The following ATXN7 variants were observed in gnomAD, a reference collection of about 807,000 sequenced individuals.
ATXN7 encodes ataxin-7.
In ATXN7, 12 loss-of-function variants were observed where a neutral mutation model predicts 70.5. The observed-to-expected ratio is 0.17, with a 90% CI of 0.11 to 0.28. The LOEUF (loss-of-function observed/expected upper bound fraction) is 0.28, where lower values mean the gene tolerates loss of function less well. ATXN7 is among the 10% of genes least tolerant of loss of function. The pLI is 1.00. For synonymous variants in ATXN7, 498 were observed against 448.7 expected, an observed-to-expected ratio of 1.11 and a Z score of -1.39; for missense variants, 1,256 against 1,131.7, an observed-to-expected ratio of 1.11 and a Z score of -1.58.
chr3:63,951,751 A>G (rs889060137), intron 4 of ATXN7, among the ~76,000 whole-genome samples: 4 of 152,222 alleles, frequency 2.6e-5, no homozygotes, highest in African/African-American at 9.7e-5. Context: ...AAAACAAACA[A>G]ACAGCTCGTA....
intron 6 of ATXN7, chr3:63,980,538 G>A (rs1284014301): frequency 4.6e-6 from 1 of 217,316 alleles, no homozygotes; most frequent in East Asian, 1.0e-4. Flanking sequence ...GTCCAAAAAG[G>A]CCTCAAGTCA....
intron 1 of ATXN7, among the ~76,000 whole-genome samples, chr3:63,866,123 A>G (rs1052345956): frequency 5.9e-5 from 9 of 152,216 alleles, no homozygotes; most frequent in African/African-American, 1.7e-4. Context: ...AAACATTTCT[A>G]TAAGTTAATT....
rs115092332 is a variant in ATXN7 at position 63,989,542 on chromosome 3, C to G, written c.1362-634C>G. On this transcript the variant is annotated intron_variant, in intron 9 of 12. Transcript: ENST00000674280. The stretch of plus-strand genomic sequence containing the variant: ...CTATTTGGGGAAAGAAAAATTGTGT[C>G]GTACTGAACATGTATAGGCTTTTTT... 4.6e-3 allele frequency among the ~76,000 whole-genome samples: 693 copies of G among 151,814 alleles called. 5 individuals are homozygous for G. Among genetic ancestry groups the G allele is most frequent in the African/African-American group, 0.016 (644 of 41,392 alleles).
chr3:63,954,494 G>A (rs1020553634), intron 5 of ATXN7, among the ~76,000 whole-genome samples: 12 of 152,156 alleles, frequency 7.9e-5, no homozygotes, highest in South Asian at 6.2e-4. Context: ...TGCTCTGGAC[G>A]TGTTGGTGAG....
chr3:63,969,442 C>A (rs2075277365), intron 5 of ATXN7, among the ~76,000 whole-genome samples: 1 of 152,172 alleles, frequency 6.6e-6, no homozygotes, highest in Admixed American at 6.5e-5. Context: ...ATGATGCTCC[C>A]TGTTGGGATT....
At chr3:63,867,550 C>T (rs78900284) in intron 1 of ATXN7, among the ~76,000 whole-genome samples, 283 of 152,220 alleles carry the variant, frequency 1.9e-3, no homozygotes, top group African/African-American at 6.5e-3. Context: ...TCTGTGTGCT[C>T]GTTACTTGCC....
rs557227207 is a variant in ATXN7 at position 63,929,749 on chromosome 3, C to T, written c.394+16524C>T. On this transcript the variant is annotated intron_variant, in intron 4 of 12. Transcript: ENST00000674280. The stretch of plus-strand genomic sequence containing the variant: ...AATAAGTTCAAACAACAACAAAGGA[C>T]AGAACTTTTCATCAGATATTTTCTT... Among the ~76,000 whole-genome samples, 21 of 152,228 alleles carry T rather than the reference C, an allele frequency of 1.4e-4. 1 individual carries two copies. In the South Asian group the frequency reaches 2.3e-3, roughly 17 times the overall value.
intron 4 of ATXN7, among the ~76,000 whole-genome samples, chr3:63,949,004 A>C (rs1315151164): frequency 1.3e-5 from 2 of 152,178 alleles, no homozygotes; most frequent in African/African-American, 4.8e-5. Flanking sequence ...TTGAATAATG[A>C]ATTCATTTTT....
chr3:63,892,374 CCACACACACACACACACACA>C (rs56293497), intron 1 of ATXN7, among the ~76,000 whole-genome samples: 1 of 133,384 alleles, frequency 7.5e-6, no homozygotes, highest in African/African-American at 2.8e-5. Flanking sequence ...GACACCTCTA[CCACACACACACACACACACA>C]CACACACACA....
intron 1 of ATXN7, among the ~76,000 whole-genome samples, chr3:63,866,259 T>G (rs949890356): frequency 3.0e-4 from 46 of 152,198 alleles, no homozygotes; most frequent in Non-Finnish European, 1.3e-4. Flanking sequence ...TTATTTTATT[T>G]TTTTTTGAGA....
chr3:63,922,694 C>T (rs528625776), intron 4 of ATXN7, among the ~76,000 whole-genome samples: 1 of 152,050 alleles, frequency 6.6e-6, no homozygotes, highest in South Asian at 2.1e-4. Context: ...GGTTTTCTGC[C>T]TGTAGAGGGA....
Position 63,952,375 on chromosome 3 carries a change from G to A in ATXN7, c.395-4G>A, listed in dbSNP as rs1454136489. 1 of 1,604,236 alleles carries A rather than the reference G, an allele frequency of 6.2e-7. No homozygotes were observed. Among genetic ancestry groups the A allele is most frequent in the Non-Finnish European group, 8.5e-7 (1 of 1,174,902 alleles). Reference sequence around the variant, plus strand: ...GTGAGTGATGCTCTGTTTCTGTGTTGCAGACATGCCAATATTTGGTTTCTG... The same window carrying A: ...GTGAGTGATGCTCTGTTTCTGTGTTACAGACATGCCAATATTTGGTTTCTG... On this transcript the variant is annotated splice_polypyrimidine_tract_variant and splice_region_variant and intron_variant, in intron 4 of 12. Transcript: ENST00000674280.
At chr3:63,884,213 A>G (rs912444462) in intron 1 of ATXN7, among the ~76,000 whole-genome samples, 238 of 133,390 alleles carry the variant, frequency 1.8e-3, no homozygotes, top group East Asian at 6.8e-3. Context: ...GCACACACAC[A>G]CACACACACA....
intron 5 of ATXN7, among the ~76,000 whole-genome samples, chr3:63,969,297 A>G (rs935168883): frequency 2.0e-5 from 3 of 152,114 alleles, no homozygotes; most frequent in African/African-American, 4.8e-5. Context: ...GAATAAGGTG[A>G]TATAAAAAGG....
intron 5 of ATXN7, among the ~76,000 whole-genome samples, chr3:63,972,524 A>C (rs1208746930): frequency 6.6e-6 from 1 of 152,208 alleles, no homozygotes; most frequent in Non-Finnish European, 1.5e-5. Context: ...TTTACTTAGA[A>C]AATCTGCCCA....
At chr3:63,979,054 C>A (rs2075439964) in intron 5 of ATXN7, among the ~76,000 whole-genome samples, 1 of 152,132 alleles carries the variant, frequency 6.6e-6, no homozygotes, top group Non-Finnish European at 1.5e-5. Flanking sequence ...ATAAAGTTAC[C>A]AAATGATTTA....
chr3:63,912,900 C>T lies in ATXN7; in HGVS notation c.302C>T (p.Ala101Val). The change falls in exon 3 of 13, where the codon GCT (alanine) becomes GTT (valine). Residue 101 changes from alanine (A) to valine (V), a missense_variant. By Grantham distance (64) the Ala-to-Val change is moderately conservative (BLOSUM62 0). Transcript: ENST00000674280. ...CAGTCGTGGAATCTGTGGGTTGAGG[C>T]TTCCAAACTTCCTGGGAAGGACGGT... ...LGQSWNLWVE[A>V]SKLPGKDGTE... is the part of the protein sequence containing the mutation. 6.2e-7 allele frequency: 1 copy of T among 1,613,388 alleles called. No homozygotes were observed. Among genetic ancestry groups the T allele is most frequent in the Non-Finnish European group, 8.5e-7 (1 of 1,179,770 alleles).
At chr3:63,972,780 G>T (rs752789449) in intron 5 of ATXN7, among the ~76,000 whole-genome samples, 6 of 152,162 alleles carry the variant, frequency 3.9e-5, no homozygotes, top group Non-Finnish European at 7.4e-5. Flanking sequence ...TCCTGAAATG[G>T]CACGTAAAAA....
At chr3:63,965,148 G>T (rs2075198514) in intron 5 of ATXN7, among the ~76,000 whole-genome samples, 3 of 152,132 alleles carry the variant, frequency 2.0e-5, no homozygotes, top group African/African-American at 7.2e-5. Flanking sequence ...CAGTTTTTCT[G>T]TTTCTGTTTA....
Sources: allele counts gnomAD v4.1 joint callset (sites outside exome capture counted in the v4.1 genomes callset), GRCh38; gene constraint gnomAD v4.1.1; transcripts MANE v1.5; gene names NCBI Gene and HGNC (gene_info 2026-07-23, HGNC 2026-07-21).